The following PPFIBP2 variants were observed in gnomAD, a reference collection of about 807,000 sequenced individuals.
PPFIBP2 encodes liprin-beta-2.
A neutral mutation model predicts 118.3 loss-of-function variants in PPFIBP2; 118 were observed. The ratio of observed to expected loss-of-function variants is 1.00; its 90% CI spans 0.86 to 1.16. The LOEUF (loss-of-function observed/expected upper bound fraction) is 1.16. PPFIBP2 is among the 50% of genes most tolerant of loss of function. The pLI is 0.00. For synonymous variants in PPFIBP2, 414 were observed against 397.4 expected (o/e 1.04, Z -0.50); for missense variants, 1,195 against 1,073.1 (o/e 1.11, Z -1.59).
intron 17 of PPFIBP2, 122 bp downstream of exon 17, chr11:7,642,548 C>T (rs3861066): frequency 0.15 from 166,933 of 1,109,840 alleles, 15,952 homozygotes; most frequent in East Asian, 0.49. Flanking sequence ...TATTCTCTTC[C>T]CCAGTCAAGC....
rs757343197 is a variant in PPFIBP2, at chr11:7,630,944, C to G, written c.984C>G (p.Leu328=). 5 of 1,614,060 alleles carry G rather than the reference C, an allele frequency of 3.1e-6. No homozygotes were observed. In the South Asian group the frequency reaches 5.5e-5, roughly 18 times the overall value. Residue 328 remains leucine (L), a synonymous_variant, in exon 11 of 24, where the codon CTC becomes CTG. Transcript: ENST00000299492. Reference sequence around the variant, plus strand: ...TTGCAGGGCCTTCGGAGAGAACTCTCTCAATCAATGAAGAAGAACCGGAGG... The same window carrying G: ...TTGCAGGGCCTTCGGAGAGAACTCTGTCAATCAATGAAGAAGAACCGGAGG... ...MVTQGPSERT[L]SINEEEPEGG... is the part of the protein sequence containing the mutation.
intron 3 of PPFIBP2, chr11:7,577,687 G>C: frequency 2.2e-6 from 1 of 455,894 alleles, no homozygotes; most frequent in Middle Eastern, 3.3e-4. Context: ...TAAGTGAGGG[G>C]GAGACGCTTT....
intron 8 of PPFIBP2, among the ~76,000 whole-genome samples, chr11:7,627,479 C>T (rs1850179364): frequency 6.6e-6 from 1 of 151,954 alleles, no homozygotes; most frequent in South Asian, 2.1e-4. Flanking sequence ...ATAGACATCC[C>T]TATTCCCATT....
chr11:7,645,681 G>A (rs1420595841), intron 17 of PPFIBP2, among the ~76,000 whole-genome samples: 1 of 151,944 alleles, frequency 6.6e-6, no homozygotes, highest in Non-Finnish European at 1.5e-5. Flanking sequence ...GAGAGGATTC[G>A]CAAAACAAAA....
chr11:7,565,707 C>G lies in PPFIBP2; in HGVS notation c.219C>G (p.Leu73=). 1 of 1,614,206 alleles carries G rather than the reference C, an allele frequency of 6.2e-7. No individual in the cohort carries two copies. The highest frequency in any genetic ancestry group is 1.1e-5 in the South Asian group (1 of 91,074). ...MLELPQERAA[L]LSQIPGPTAA... ...AGCTTCCTCAGGAGAGAGCAGCCCT[C>G]CTGAGCCAGATCCCTGGCCCAACAG... Residue 73 remains leucine, a synonymous_variant, in exon 3 of 24, where the codon CTC becomes CTG. Transcript: ENST00000299492.
intron 3 of PPFIBP2, among the ~76,000 whole-genome samples, chr11:7,586,943 T>A (rs1311099351): frequency 6.6e-6 from 1 of 152,240 alleles, no homozygotes. Flanking sequence ...TATTTACCCT[T>A]CATTTATTCA....
intron 17 of PPFIBP2, among the ~76,000 whole-genome samples, chr11:7,644,781 A>C (rs12294420): frequency 0.16 from 23,981 of 151,654 alleles, 2,244 homozygotes; most frequent in East Asian, 0.47. Context: ...TAATCCCAGC[A>C]CTTTGGGAGG....
intron 6 of PPFIBP2, among the ~76,000 whole-genome samples, chr11:7,614,485 TC>T (rs1349608038): frequency 6.6e-6 from 1 of 152,246 alleles, no homozygotes; most frequent in African/African-American, 2.4e-5. Flanking sequence ...TGTTCTACCA[TC>T]CAACAATAGC....
At chr11:7,649,119 G>A in intron 19 of PPFIBP2, 28 bp from the exon 20 acceptor site, 1 of 1,595,196 alleles carries the variant, frequency 6.3e-7, no homozygotes, top group Non-Finnish European at 8.6e-7. Flanking sequence ...CATGAATCCT[G>A]ACACATCTGG....
chr11:7,609,139 T>C (rs1826551185), intron 5 of PPFIBP2, among the ~76,000 whole-genome samples: 1 of 152,206 alleles, frequency 6.6e-6, no homozygotes, highest in Non-Finnish European at 1.5e-5. Flanking sequence ...GTATTCCAAG[T>C]CAAAAATTTC....
intron 1 of PPFIBP2, chr11:7,539,040 T>C (rs1174037615): frequency 6.6e-6 from 1 of 152,288 alleles, no homozygotes; most frequent in African/African-American, 2.4e-5. Flanking sequence ...CAGTTAAGCA[T>C]GCTTGTTCAC....
chr11:7,642,559 A>C (rs1852357199), intron 17 of PPFIBP2, 133 bp downstream of exon 17: 1 of 969,992 alleles, frequency 1.0e-6, no homozygotes, highest in African/African-American at 1.7e-5. Flanking sequence ...CCAGTCAAGC[A>C]GTCCCTACAG....
At chr11:7,569,500 AC>A (rs1855411892) in intron 3 of PPFIBP2, among the ~76,000 whole-genome samples, 1 of 152,090 alleles carries the variant, frequency 6.6e-6, no homozygotes, top group African/African-American at 2.4e-5. Context: ...TAATGGGGAT[AC>A]CCTCTGGGGC....
chr11:7,634,458 T>A (rs1335320327), intron 12 of PPFIBP2, 37 bp from the exon 13 acceptor site: 1 of 1,519,460 alleles, frequency 6.6e-7, no homozygotes, highest in East Asian at 2.3e-5. Context: ...ATGTACCTCC[T>A]TCTCATAACT....
chr11:7,515,594 G>A (rs1849161260), intron 1 of PPFIBP2, among the ~76,000 whole-genome samples: 1 of 152,204 alleles, frequency 6.6e-6, no homozygotes, highest in Non-Finnish European at 1.5e-5. Context: ...CCTGGGCTGT[G>A]ACAACTGTGT....
intron 1 of PPFIBP2, among the ~76,000 whole-genome samples, chr11:7,545,398 C>G (rs1003598577): frequency 2.0e-5 from 3 of 152,214 alleles, no homozygotes; most frequent in African/African-American, 7.2e-5. Flanking sequence ...CCACTGTACT[C>G]TAGCCTAGGT....
At chr11:7,577,320 C>CGTGTGT (rs148907232) in intron 3 of PPFIBP2, 2 of 219,714 alleles carry the variant, frequency 9.1e-6, no homozygotes, top group Non-Finnish European at 1.9e-5. Flanking sequence ...CATGTATGTG[C>CGTGTGT]GTGTGTGTGT....
At chr11:7,658,253 G>A (rs377759613), downstream of PPFIBP2, among the ~76,000 whole-genome samples, 11 of 146,580 alleles carry the variant, frequency 7.5e-5, no homozygotes, top group South Asian at 6.6e-4. Flanking sequence ...CCACTAACTC[G>A]TCATCTAGCA....
At chr11:7,574,183 T>C (rs541380071) in intron 3 of PPFIBP2, among the ~76,000 whole-genome samples, 8 of 152,344 alleles carry the variant, frequency 5.3e-5, no homozygotes, top group Non-Finnish European at 8.8e-5. Context: ...CACAGCTGGC[T>C]GCTGCATGTT....
Sources: allele counts gnomAD v4.1 joint callset (sites outside exome capture counted in the v4.1 genomes callset), GRCh38; gene constraint gnomAD v4.1.1; transcripts MANE v1.5; gene names NCBI Gene and HGNC (gene_info 2026-07-23, HGNC 2026-07-21).